Variants in ATXN2 observed in about 807,000 individuals in gnomAD.
ATXN2 encodes ataxin 2.
In ATXN2, 37 loss-of-function variants were observed where a neutral mutation model predicts 138.6. The ratio of observed to expected loss-of-function variants is 0.27; its 90% CI spans 0.21 to 0.35. The LOEUF is 0.35. Among genes scored for constraint, ATXN2 ranks in the 10% least tolerant of loss-of-function variants. The pLI, the probability that ATXN2 is intolerant of heterozygous loss-of-function variation, is 1.00. For missense variants in ATXN2, 1,216 were observed against 1,480.3 expected (o/e 0.82, Z 2.93); for synonymous variants, 549 against 543.7 (o/e 1.01, Z -0.13).
At chr12:111,547,455 G>T (rs1307866371) in intron 5 of ATXN2, among the ~76,000 whole-genome samples, 1 of 151,800 alleles carries the variant, frequency 6.6e-6, no homozygotes, top group Non-Finnish European at 1.5e-5. Context: ...GCTGGGCGCG[G>T]TGGCTCACGC....
intron 23 of ATXN2, chr12:111,454,489 T>C (rs536882271): frequency 6.5e-6 from 1 of 154,058 alleles, no homozygotes; most frequent in South Asian, 2.0e-4. Context: ...TCCAGTGAGA[T>C]GGAAAGGAGT....
chr12:111,468,718 G>A (rs894069632), intron 20 of ATXN2: 2 of 25,226 alleles, frequency 7.9e-5, no homozygotes, highest in African/African-American at 6.0e-4. Context: ...TTTTTTTTTT[G>A]GAGATGGAGT....
chr12:111,533,150 G>C (rs1332428681), intron 5 of ATXN2, among the ~76,000 whole-genome samples: 1 of 152,210 alleles, frequency 6.6e-6, no homozygotes, highest in Non-Finnish European at 1.5e-5. Context: ...ATGCTACAAC[G>C]CCGTGGAGGT....
At chr12:111,559,127 C>G (rs1418099744) in intron 1 of ATXN2, among the ~76,000 whole-genome samples, 2 of 150,542 alleles carry the variant, frequency 1.3e-5, no homozygotes, top group African/African-American at 2.5e-5. Flanking sequence ...TAAAAAATGA[C>G]AGTTTTTTGT....
chr12:111,500,667 G>A (rs7978231), intron 14 of ATXN2, among the ~76,000 whole-genome samples: 15,491 of 152,208 alleles, frequency 0.1, 2,656 homozygotes, highest in African/African-American at 0.35. Flanking sequence ...AAGGTCAAGA[G>A]ATCAAGACCA....
In ATXN2 at chr12:111,598,960, C is replaced by CTGCTGCTGCTGCTGT. The variant is rs752870397; in HGVS notation, c.74_75insACAGCAGCAGCAGCA (p.Gln24_Gln28dup). 443 of 1,500,342 alleles carry CTGCTGCTGCTGCTGT rather than the reference C, an allele frequency of 3.0e-4. 1 individual carries two copies. Among genetic ancestry groups the CTGCTGCTGCTGCTGT allele is most frequent in the Admixed American group, 2.9e-3 (140 of 47,892 alleles). 92.9% of individuals were successfully genotyped at this position (1,500,342 alleles called of 1,614,324 possible). The stretch of plus-strand genomic sequence containing the variant: ...CAGCCGCGGGCGGCGGCTGCTGCTG[C>CTGCTGCTGCTGCTGT]TGCTGCTGCTGCTGCTGTTGCTGCT... On this transcript the variant is annotated inframe_insertion, in exon 1 of 25. Transcript: ENST00000673436. This position sits in a 1 kb window ranked among gnomAD's most constrained non-coding sequence, Gnocchi z 4.5.
intron 5 of ATXN2, among the ~76,000 whole-genome samples, chr12:111,531,529 A>G (rs1880833658): frequency 6.6e-6 from 1 of 152,210 alleles, no homozygotes; most frequent in Admixed American, 6.5e-5. Flanking sequence ...TAGAGAGGAG[A>G]TTATCTTTTC....
intron 1 of ATXN2, among the ~76,000 whole-genome samples, chr12:111,585,867 T>G (rs1884299482): frequency 6.7e-6 from 1 of 149,432 alleles, no homozygotes; most frequent in East Asian, 2.0e-4. Flanking sequence ...CTCTTGTGTC[T>G]GTTTTTTAGT....
At position 111,516,820 on chromosome 12, in the gene ATXN2, C is replaced by T. The variant is rs2135737385; in HGVS notation, c.1166-457G>A. ...GAAAATAAGCAGTAGCTATTATATC[C>T]AATTAGAAATGCTGGTTCCTTACAA... On this transcript the variant is annotated intron_variant, in intron 9 of 24. Transcript: ENST00000673436. This position sits in a 1 kb window ranked among gnomAD's most constrained non-coding sequence, Gnocchi z 5.0. 6.6e-6 allele frequency among the ~76,000 whole-genome samples: 1 copy of T among 152,198 alleles called. No individual in the cohort carries two copies. Among genetic ancestry groups the T allele is most frequent in the East Asian group, 1.9e-4 (1 of 5,186 alleles).
At chr12:111,599,407 C>A (rs1338489279), upstream of ATXN2, 3 of 1,170,538 alleles carry the variant, frequency 2.6e-6, no homozygotes, top group Middle Eastern at 3.5e-4. Flanking sequence ...GCCCGCTCCG[C>A]CGCGCCGGCC....
chr12:111,472,735 C>T (rs964881764), intron 18 of ATXN2, among the ~76,000 whole-genome samples: 1 of 151,804 alleles, frequency 6.6e-6, no homozygotes, highest in Non-Finnish European at 1.5e-5. Flanking sequence ...CCAGCTAATA[C>T]TTTTTTTAAA....
chr12:111,490,844 A>C (rs1023559699), intron 14 of ATXN2, among the ~76,000 whole-genome samples: 1 of 152,206 alleles, frequency 6.6e-6, no homozygotes, highest in African/African-American at 2.4e-5. Context: ...TTTTGCATTG[A>C]AACTCAGTGC....
intron 10 of ATXN2, 130 bp from the exon 11 acceptor site, chr12:111,513,669 AT>A (rs1217574723): frequency 2.1e-5 from 16 of 760,360 alleles, no homozygotes; most frequent in Admixed American, 8.7e-5. Flanking sequence ...TTGGTTAAAA[AT>A]AGAAAAAAAA....
At chr12:111,463,713 G>C (rs1039881288) in intron 21 of ATXN2, among the ~76,000 whole-genome samples, 1 of 152,162 alleles carries the variant, frequency 6.6e-6, no homozygotes, top group African/African-American at 2.4e-5. Context: ...GAGGGGACCT[G>C]TGCTGTCCAA....
Position 111,541,776 on chromosome 12 carries a change from G to GATATAT in ATXN2, c.571+10498_571+10503dup, listed in dbSNP as rs140277173. 1.4e-5 allele frequency among the ~76,000 whole-genome samples: 2 copies of GATATAT among 144,410 alleles called. 1 individual carries two copies. The allele number at this position is 144,410 out of a possible 152,430, so 94.7% of individuals were successfully genotyped here. On this transcript the variant is annotated intron_variant, in intron 5 of 24. Coordinates refer to ENST00000673436, the MANE Select transcript of ATXN2 (RefSeq NM_001372574.1). ...CATTTTGTCAATTTCTACAAAAACG[G>GATATAT]ATATATATATATATATTATAAAAAT...
At chr12:111,507,290 G>A (rs1879198113) in intron 14 of ATXN2, among the ~76,000 whole-genome samples, 1 of 151,962 alleles carries the variant, frequency 6.6e-6, no homozygotes, top group African/African-American at 2.4e-5. Context: ...CGTCTGGGAT[G>A]TGAGGAGCGC....
intron 23 of ATXN2, chr12:111,454,834 T>A (rs1425945638): frequency 5.8e-6 from 3 of 519,926 alleles, no homozygotes; most frequent in Non-Finnish European, 1.0e-5. Context: ...TAAGTTCACA[T>A]GCCTACTTAG....
chr12:111,520,218 A>T, intron 7 of ATXN2, 142 bp from the exon 8 acceptor site: 6 of 1,098,782 alleles, frequency 5.5e-6, no homozygotes, highest in Non-Finnish European at 7.6e-6. Context: ...ACTAAAAGTT[A>T]TAGTGATCTG....
chr12:111,452,881 ACAC>A (rs1565998051), intron 24 of ATXN2, 41 bp from the exon 25 acceptor site: 1 of 1,602,930 alleles, frequency 6.2e-7, no homozygotes, highest in Middle Eastern at 1.7e-4. Context: ...AAAACTGGCA[ACAC>A]CACACATCAG....
Sources: gnomAD v4.1 joint callset for allele counts (sites outside exome capture counted in the v4.1 genomes callset) on GRCh38, gnomAD v4.1.1 for gene constraint, Gnocchi (gnomAD v3.1) non-coding constraint, MANE v1.5 for transcripts, NCBI Gene and HGNC (gene_info 2026-07-23, HGNC 2026-07-21) for gene names.